Variants in CCDC27 observed in about 807,000 individuals in gnomAD.
CCDC27 encodes the protein coiled-coil domain-containing protein 27.
CCDC27 carries 80 observed loss-of-function variants against 80.3 expected under a neutral mutation model. The observed-to-expected ratio is 1.00, with a 90% CI of 0.83 to 1.20. The LOEUF is 1.20. CCDC27 is among the 50% of genes most tolerant of loss of function. CCDC27 has a pLI of 0.00. For missense variants in CCDC27, 815 were observed against 809.4 expected (o/e 1.01, Z -0.08); for synonymous variants, 342 against 334.3 (o/e 1.02, Z -0.25).
rs369095756 is a variant in CCDC27, at chr1:3,756,844, G to A, written c.665G>A (p.Cys222Tyr). ...VTSSSVASQS[C>Y]LRKRMPWYLS... ...AGCAGCTCAGTCGCATCTCAGAGCT[G>A]CCTGAGAAAGAGGATGCCCTGGTAC... Residue 222 changes from cysteine (C) to tyrosine (Y), a missense_variant, in exon 4 of 12, where the codon TGC becomes TAC. Transcript: ENST00000294600. The A allele has an allele frequency of 3.1e-6, 5 of 1,613,744 alleles. No individual in the cohort carries two copies. In the African/African-American group the frequency reaches 6.7e-5, roughly 22 times the overall value.
chr1:3,754,250 C>A lies in CCDC27; in HGVS notation c.442+9C>A. On this transcript the variant is annotated intron_variant, in intron 2 of 11. Coordinates refer to ENST00000294600, the MANE Select transcript of CCDC27 (RefSeq NM_152492.3). ...ATCCATGTCCCACTGTGGTAAGAGC[C>A]CCCCACCAGGACCGCCTGTGAAACT... The A allele has an allele frequency of 6.3e-7, 1 of 1,578,248 alleles. No individual in the cohort carries two copies. The highest frequency in any genetic ancestry group is 8.6e-7 in the Non-Finnish European group (1 of 1,161,642).
chr1:3,762,830 G>GGGGCA, intron 6 of CCDC27, 118 bp downstream of exon 6: 1 of 1,026,296 alleles, frequency 9.7e-7, no homozygotes, highest in Non-Finnish European at 1.4e-6. Flanking sequence ...GACCTGGGGT[G>GGGGCA]CCCCACTCCA....
At chr1:3,755,227 A>G (rs1181888) in intron 2 of CCDC27, among the ~76,000 whole-genome samples, 17,709 of 152,220 alleles carry the variant, frequency 0.12, 1,077 homozygotes, top group Middle Eastern at 0.2. Context: ...GAAAGGGGGC[A>G]TCAGCTAGAG....
chr1:3,762,351 C>T (rs1643108958), intron 5 of CCDC27, among the ~76,000 whole-genome samples: 1 of 152,142 alleles, frequency 6.6e-6, no homozygotes, highest in South Asian at 2.1e-4. Context: ...GTGTGTAAGG[C>T]TGGCTGGCCT....
intron 8 of CCDC27, among the ~76,000 whole-genome samples, chr1:3,765,059 A>G (rs1643197433): frequency 6.6e-6 from 1 of 151,446 alleles, no homozygotes; most frequent in African/African-American, 2.4e-5. Flanking sequence ...AAAACGATGA[A>G]CAGGGGTAAA....
At chr1:3,755,304 C>T (rs1337201643) in intron 2 of CCDC27, among the ~76,000 whole-genome samples, 153 bp from the exon 3 acceptor site, 1 of 152,172 alleles carries the variant, frequency 6.6e-6, no homozygotes, top group Non-Finnish European at 1.5e-5. Flanking sequence ...GAAGCCCACC[C>T]TTTGGTTCAG....
In CCDC27 at chr1:3,766,597, C is replaced by T. The variant is rs1643232487; in HGVS notation, c.1515C>T (p.Asn505=). 3 of 1,613,470 alleles carry T rather than the reference C, an allele frequency of 1.9e-6. No homozygotes were observed. The highest frequency in any genetic ancestry group is 2.2e-5 in the East Asian group (1 of 44,878). ...QEMMGLIEKD[N]QLLRQQVSEL... ...TGATGGGGCTCATTGAAAAGGACAA[C>T]CAGCTCCTCCGACAGGTGACAGCCT... The change falls in exon 9 of 12, where the codon AAC becomes AAT. Residue 505 remains asparagine, a synonymous_variant. Transcript: ENST00000294600. The surrounding 1 kb of genome is among the most constrained non-coding windows in gnomAD (Gnocchi z 6.1).
At chr1:3,767,097 C>A (rs891599247) in intron 9 of CCDC27, 136 bp from the exon 10 acceptor site, 19 of 727,738 alleles carry the variant, frequency 2.6e-5, no homozygotes, top group African/African-American at 8.9e-5. Context: ...CCGCAGCTTC[C>A]CAAAGTGCTG....
At position 3,761,414 on chromosome 1, in the gene CCDC27, T is replaced by C; in HGVS notation, c.845T>C (p.Met282Thr). Residue 282 changes from methionine (M) to threonine (T), a missense_variant, in exon 5 of 12, where the codon ATG becomes ACG. Transcript: ENST00000294600. This position sits in a 1 kb window ranked among gnomAD's most constrained non-coding sequence, Gnocchi z 5.0. The stretch of plus-strand genomic sequence containing the variant: ...AAAGGCAAAGGCCAAGAGACATCCA[T>C]GTCCCCAGGCAGGAGGGTGAGCCAG... ...LLKGKGQETS[M>T]SPGRREQLSD... is the part of the protein sequence containing the mutation. 1 of 1,613,842 alleles carries C rather than the reference T, an allele frequency of 6.2e-7. No individual in the cohort carries two copies. The highest frequency in any genetic ancestry group is 8.5e-7 in the Non-Finnish European group (1 of 1,179,980).
rs1643114547 is a variant in CCDC27 at position 3,762,625 on chromosome 1, G to A, written c.867G>A (p.Gln289=). The A allele has an allele frequency of 2.6e-6, 4 of 1,550,614 alleles. No homozygotes were observed. The highest frequency in any genetic ancestry group is 3.9e-5 in the Admixed American group (2 of 50,978). The change falls in exon 6 of 12, where the codon CAG becomes CAA. Residue 289 remains glutamine (Q), a synonymous_variant. Coordinates refer to ENST00000294600, the MANE Select transcript of CCDC27 (RefSeq NM_152492.3). Reference sequence around the variant, plus strand: ...GTCCCACGGGCGTCTTGCAGGAGCAGCTCTCAGACGCTTCGCTGAAGCTGG... The same window carrying A: ...GTCCCACGGGCGTCTTGCAGGAGCAACTCTCAGACGCTTCGCTGAAGCTGG... ...ETSMSPGRRE[Q]LSDASLKLGR...
Position 3,763,895 on chromosome 1 carries a change from A to T in CCDC27, c.1452+59A>T. The stretch of plus-strand genomic sequence containing the variant: ...TGAGCATGGGCCCCAGGCTTCATTA[A>T]CCCCCGGCAGCTCGGGGCAGGCGCT... On this transcript the variant is annotated intron_variant, in intron 8 of 11. Coordinates refer to ENST00000294600, the MANE Select transcript of CCDC27 (RefSeq NM_152492.3). This position sits in a 1 kb window ranked among gnomAD's most constrained non-coding sequence, Gnocchi z 7.5. The T allele has an allele frequency of 1.3e-6, 2 of 1,585,458 alleles. No homozygotes were observed. Among genetic ancestry groups the T allele is most frequent in the Non-Finnish European group, 1.7e-6 (2 of 1,162,696 alleles).
At position 3,755,503 on chromosome 1, in the gene CCDC27, G is replaced by A. The variant is rs143598266; in HGVS notation, c.489G>A (p.Ser163=). The change falls in exon 3 of 12, where the codon TCG becomes TCA. Residue 163 remains serine, a synonymous_variant. Coordinates refer to ENST00000294600, the MANE Select transcript of CCDC27 (RefSeq NM_152492.3). ...TGTCCGGAGAGATTGACAACAGCTC[G>A]GAGACCTGGAGAGGCACCCAGGACC... The part of the protein sequence containing the change: ...ADLSGEIDNS[S]ETWRGTQDLF... The A allele has an allele frequency of 1.0e-3, 1,618 of 1,614,174 alleles. 1 individual carries two copies. Among genetic ancestry groups the A allele is most frequent in the African/African-American group, 2.4e-3 (178 of 75,056 alleles).
In CCDC27 at chr1:3,759,198, C is replaced by T. The variant is rs1042524231; in HGVS notation, c.712-2083C>T. On this transcript the variant is annotated intron_variant, in intron 4 of 11. Transcript: ENST00000294600. Reference sequence around the variant, plus strand: ...AGCCACTGCACGCCAGCCCAGGCGACAGTGCAAGACTTTGTCTCAAAAAAA... The same window carrying T: ...AGCCACTGCACGCCAGCCCAGGCGATAGTGCAAGACTTTGTCTCAAAAAAA... Among the ~76,000 whole-genome samples the T allele has an allele frequency of 5.3e-5, 8 of 150,376 alleles. No individual in the cohort carries two copies. In the East Asian group the frequency reaches 1.6e-3, roughly 29 times the overall value.
Position 3,767,372 on chromosome 1 carries a change from T to C in CCDC27, c.1670T>C (p.Leu557Ser). Residue 557 changes from leucine to serine, a missense_variant, in exon 10 of 12, where the codon TTG becomes TCG. By Grantham distance (145) the Leu-to-Ser change is moderately radical (BLOSUM62 -2). Coordinates refer to ENST00000294600, the MANE Select transcript of CCDC27 (RefSeq NM_152492.3). The stretch of plus-strand genomic sequence containing the variant: ...AGGTGGAAGCAGCTGCAGGAGGATT[T>C]GCAGAGCAAGAAGGAGATGATTCAG... ...LQRWKQLQED[L>S]QSKKEMIQQA... The C allele has an allele frequency of 6.2e-7, 1 of 1,613,878 alleles. No individual in the cohort carries two copies. The highest frequency in any genetic ancestry group is 8.5e-7 in the Non-Finnish European group (1 of 1,180,028).
intron 6 of CCDC27, 112 bp downstream of exon 6, chr1:3,762,824 T>G (rs774192225): frequency 3.3e-5 from 35 of 1,066,936 alleles, no homozygotes; most frequent in Non-Finnish European, 4.5e-5. Context: ...AGCCCTGACC[T>G]GGGGTGCCCC....
intron 4 of CCDC27, among the ~76,000 whole-genome samples, chr1:3,759,748 C>T (rs1233594328): frequency 1.3e-5 from 2 of 152,178 alleles, no homozygotes; most frequent in Admixed American, 1.3e-4. Context: ...TGCAACTCTA[C>T]CTGTACATTA....
intron 11 of CCDC27, 126 bp downstream of exon 11, chr1:3,770,013 C>G: frequency 1.4e-6 from 1 of 710,986 alleles, no homozygotes; most frequent in South Asian, 1.6e-5. Context: ...CACCTATTCA[C>G]TTGGACCCCA....
At chr1:3,757,122 C>T (rs1004462602) in intron 4 of CCDC27, 71 of 429,114 alleles carry the variant, frequency 1.7e-4, no homozygotes, top group African/African-American at 1.1e-3. Context: ...TCAGACTCAC[C>T]GGCACGCATG....
chr1:3,756,603 T>C (rs1642960226), intron 3 of CCDC27, 130 bp from the exon 4 acceptor site: 10 of 909,144 alleles, frequency 1.1e-5, no homozygotes, highest in African/African-American at 3.3e-5. Context: ...AGGAGACAGA[T>C]TGGAGTCTGT....
Sources: gnomAD v4.1 joint callset for allele counts (sites outside exome capture counted in the v4.1 genomes callset) on GRCh38, gnomAD v4.1.1 for gene constraint, Gnocchi (gnomAD v3.1) non-coding constraint, MANE v1.5 for transcripts, NCBI Gene and HGNC (gene_info 2026-07-23, HGNC 2026-07-21) for gene names.